The following C18orf54 variants were observed in gnomAD, a reference collection of about 807,000 sequenced individuals.
C18orf54 encodes chromosome 18 open reading frame 54.
Under a neutral mutation model 49.3 loss-of-function variants are expected in C18orf54, and 49 were observed. The ratio of observed to expected loss-of-function variants is 0.99; its 90% CI spans 0.79 to 1.26. The LOEUF (loss-of-function observed/expected upper bound fraction) is 1.26, where lower values mean the gene tolerates loss of function less well. Ranked by LOEUF, C18orf54 falls within the 50% of genes most tolerant of loss-of-function variation. C18orf54 has a pLI of 0.00. For synonymous variants in C18orf54, 211 were observed against 216.6 expected (o/e 0.97, Z 0.23); for missense variants, 687 against 620.6 (o/e 1.11, Z -1.14).
At chr18:54,373,054 G>A (rs2089516328) in intron 7 of C18orf54, among the ~76,000 whole-genome samples, 1 of 151,722 alleles carries the variant, frequency 6.6e-6, no homozygotes, top group African/African-American at 2.4e-5. Context: ...GTTATATCAA[G>A]TTTTATTTTA....
intron 7 of C18orf54, among the ~76,000 whole-genome samples, chr18:54,372,833 A>G (rs568873084): frequency 3.9e-5 from 6 of 152,026 alleles, no homozygotes; most frequent in Admixed American, 3.3e-4. Flanking sequence ...TAAATCCAAC[A>G]TCTTATTTAG....
Position 54,379,701 on chromosome 18 carries a change from A to T in C18orf54, c.*1455A>T, listed in dbSNP as rs570866251. On this transcript the variant is annotated 3_prime_UTR_variant, in exon 9 of 9. Transcript: ENST00000620105. The stretch of plus-strand genomic sequence containing the variant: ...CTTTGAAATTAAAGTATGCCTGGCT[A>T]TTAAAAATGCAGATTTTAGGTGGGT... The T allele has an allele frequency of 6.3e-4, 96 of 152,136 alleles. No homozygotes were observed. Among genetic ancestry groups the T allele is most frequent in the African/African-American group, 2.2e-3 (93 of 41,548 alleles). The allele number at this position is 152,136 out of a possible 1,614,324, so 9.4% of individuals were successfully genotyped here.
chr18:54,375,600 T>C (rs905700786), intron 8 of C18orf54, among the ~76,000 whole-genome samples: 5 of 151,752 alleles, frequency 3.3e-5, no homozygotes, highest in Non-Finnish European at 5.9e-5. Context: ...CTAGATGTTT[T>C]TCCTGGTGAA....
At chr18:54,372,386 G>A (rs1246177841) in intron 6 of C18orf54, 80 bp from the exon 7 acceptor site, 4 of 1,225,696 alleles carry the variant, frequency 3.3e-6, no homozygotes, top group Non-Finnish European at 4.3e-6. Flanking sequence ...TTTTCTATTG[G>A]GGAAATTAAT....
At chr18:54,371,925 G>T (rs1047648611) in intron 6 of C18orf54, among the ~76,000 whole-genome samples, 1 of 152,052 alleles carries the variant, frequency 6.6e-6, no homozygotes, top group African/African-American at 2.4e-5. Flanking sequence ...CATCTTATGT[G>T]TCTTAAGTAC....
chr18:54,360,974 A>G, intron 3 of C18orf54, 119 bp downstream of exon 3: 2 of 949,146 alleles, frequency 2.1e-6, no homozygotes, highest in Non-Finnish European at 3.1e-6. Flanking sequence ...ATAACATAAT[A>G]TTGAGATCTG....
At position 54,360,526 on chromosome 18, in the gene C18orf54, G is replaced by C; in HGVS notation, c.-46-1G>C. ...CTTAACATTTCGTTTTTGTATTACA[G>C]TTGTTTTTAAGGGAAATGAATAGAA... On this transcript the variant is annotated splice_acceptor_variant, in intron 2 of 8. Transcript: ENST00000620105. LOFTEE classifies it low-confidence loss of function (5UTR_SPLICE). 1 of 1,584,206 alleles carries C rather than the reference G, an allele frequency of 6.3e-7. No individual in the cohort carries two copies. The highest frequency in any genetic ancestry group is 8.6e-7 in the Non-Finnish European group (1 of 1,163,450).
chr18:54,378,256 T>C lies in C18orf54; in HGVS notation c.*10T>C. 1 of 1,610,106 alleles carries C rather than the reference T, an allele frequency of 6.2e-7. No homozygotes were observed. The highest frequency in any genetic ancestry group is 8.5e-7 in the Non-Finnish European group (1 of 1,176,680). On this transcript the variant is annotated 3_prime_UTR_variant, in exon 9 of 9. Coordinates refer to ENST00000620105, the MANE Select transcript of C18orf54 (RefSeq NM_001288980.2). Reference sequence around the variant, plus strand: ...GTCACCGAAAATGTGAAGAGGAAAATGAAACTGTCACCACAATGAATAGTC... The same window carrying C: ...GTCACCGAAAATGTGAAGAGGAAAACGAAACTGTCACCACAATGAATAGTC...
In C18orf54 at chr18:54,380,385, A is replaced by G. The variant is rs944805626; in HGVS notation, c.*2139A>G. On this transcript the variant is annotated 3_prime_UTR_variant, in exon 9 of 9. Coordinates refer to ENST00000620105, the MANE Select transcript of C18orf54 (RefSeq NM_001288980.2). ...GACATATTGAGAAAATGTTAAATAG[A>G]AAAAATTAAGAAATTTTAATAAGAT... 2.6e-5 allele frequency: 4 copies of G among 151,996 alleles called. No homozygotes were observed. Among genetic ancestry groups the G allele is most frequent in the Non-Finnish European group, 5.9e-5 (4 of 67,906 alleles). 9.4% of individuals were successfully genotyped at this position (151,996 alleles called of 1,614,324 possible).
At position 54,360,708 on chromosome 18, in the gene C18orf54, A is replaced by T; in HGVS notation, c.136A>T (p.Arg46Ter). ...GSFHYKDKLYRSASQALQAYI... is the reference protein window; with the variant it reads ...GSFHYKDKLY ...GTTTCACTATAAAGATAAGCTGTAC[A>T]GATCTGCTTCTCAAGCTCTACAGGC... Residue 46 changes from arginine (R) to a stop codon, truncating the protein, a stop_gained, in exon 3 of 9, where the codon AGA (arginine) becomes TGA (stop). Coordinates refer to ENST00000620105, the MANE Select transcript of C18orf54 (RefSeq NM_001288980.2). LOFTEE classifies it high-confidence loss of function. 1 of 1,614,086 alleles carries T rather than the reference A, an allele frequency of 6.2e-7. No individual in the cohort carries two copies. The highest frequency in any genetic ancestry group is 8.5e-7 in the Non-Finnish European group (1 of 1,179,936).
chr18:54,378,227 A>AAGAAGCAAAAGGCTAATACAGTGGAT lies in C18orf54; in HGVS notation c.1584_1585insGAAGCAAAAGGCTAATACAGTGGATA (p.Arg529GlufsTer5). The stretch of plus-strand genomic sequence containing the variant: ...GACCTGGTTGATGATACGAATGGAG[A>AAGAAGCAAAAGGCTAATACAGTGGAT]ACGGTCACCGAAAATGTGAAGAGGA... On this transcript the variant is annotated stop_gained and frameshift_variant, in exon 9 of 9. Coordinates refer to ENST00000620105, the MANE Select transcript of C18orf54 (RefSeq NM_001288980.2). LOFTEE classifies it high-confidence loss of function. 6.2e-7 allele frequency: 1 copy of AAGAAGCAAAAGGCTAATACAGTGGAT among 1,613,518 alleles called. No individual in the cohort carries two copies.
In C18orf54 at chr18:54,362,194, G is replaced by T. The variant is rs763619682; in HGVS notation, c.835G>T (p.Val279Phe). ...DLLPDANSQR[V>F]YQIFKDDQCS... is the part of the protein sequence containing the mutation. ...GCTACCTGATGCAAATAGTCAAAGGGTTTATCAGATATTTAAAGATGATCA... is the reference window on the plus strand; with the variant it reads ...GCTACCTGATGCAAATAGTCAAAGGTTTTATCAGATATTTAAAGATGATCA... Residue 279 changes from valine to phenylalanine, a missense_variant, in exon 4 of 9, where the codon GTT (valine) becomes TTT (phenylalanine). By Grantham distance (50) the Val-to-Phe change is conservative (BLOSUM62 -1). Transcript: ENST00000620105. 17 of 1,536,080 alleles carry T rather than the reference G, an allele frequency of 1.1e-5. No homozygotes were observed. In the Middle Eastern group the frequency reaches 1.8e-3, roughly 166 times the overall value.
In C18orf54 at chr18:54,361,922, G is replaced by T. The variant is rs150796364; in HGVS notation, c.563G>T (p.Arg188Leu). 6.2e-7 allele frequency: 1 copy of T among 1,614,068 alleles called. No individual in the cohort carries two copies. Among genetic ancestry groups the T allele is most frequent in the Non-Finnish European group, 8.5e-7 (1 of 1,179,990 alleles). The change falls in exon 4 of 9, where the codon CGC becomes CTC. Residue 188 changes from arginine (R) to leucine (L), a missense_variant. By Grantham distance (102) the Arg-to-Leu change is moderately radical. Coordinates refer to ENST00000620105, the MANE Select transcript of C18orf54 (RefSeq NM_001288980.2). ...GKDNFVTPVI[R>L]SNINGKQCGR... ...GATAACTTTGTTACTCCTGTTATAC[G>T]CTCAAATATAAATGGAAAGCAATGT...
rs1322778340 is a variant in C18orf54 at position 54,379,820 on chromosome 18, G to C, written c.*1574G>C. Reference sequence around the variant, plus strand: ...AGAAGGCAAGGAGATAAAGGCATCAGGTGGTAACTTCTAATTGAATATTAT... The same window carrying C: ...AGAAGGCAAGGAGATAAAGGCATCACGTGGTAACTTCTAATTGAATATTAT... On this transcript the variant is annotated 3_prime_UTR_variant, in exon 9 of 9. Coordinates refer to ENST00000620105, the MANE Select transcript of C18orf54 (RefSeq NM_001288980.2). The C allele has an allele frequency of 1.3e-5, 2 of 151,838 alleles. No homozygotes were observed. Among genetic ancestry groups the C allele is most frequent in the East Asian group, 1.9e-4 (1 of 5,192 alleles). The allele number at this position is 151,838 out of a possible 1,614,324, so 9.4% of individuals were successfully genotyped here.
intron 6 of C18orf54, 146 bp downstream of exon 6, chr18:54,365,967 G>T: frequency 3.3e-6 from 1 of 305,722 alleles, no homozygotes; most frequent in Non-Finnish European, 5.9e-6. Context: ...CAGAATTATT[G>T]ATTATATTAT....
rs537997814 is a variant in C18orf54, at chr18:54,380,148, C to T, written c.*1902C>T. On this transcript the variant is annotated 3_prime_UTR_variant, in exon 9 of 9. Transcript: ENST00000620105. ...TAGGAGAGTCAAGTAAGAAAAATAA[C>T]GAATCTAAGTGATAAACATTCAAGA... 5.3e-5 allele frequency: 8 copies of T among 151,898 alleles called. No individual in the cohort carries two copies. The highest frequency in any genetic ancestry group is 1.3e-4 in the Admixed American group (2 of 15,260). 9.4% of individuals were successfully genotyped at this position (151,898 alleles called of 1,614,324 possible).
intron 6 of C18orf54, among the ~76,000 whole-genome samples, chr18:54,367,369 C>T (rs997085824): frequency 6.6e-6 from 1 of 151,936 alleles, no homozygotes. Context: ...TATCTTTTTG[C>T]TTCCAGATGT....
At chr18:54,370,906 G>T (rs962068306) in intron 6 of C18orf54, among the ~76,000 whole-genome samples, 10 of 151,432 alleles carry the variant, frequency 6.6e-5, no homozygotes, top group African/African-American at 2.4e-4. Flanking sequence ...ATCTCCCAGG[G>T]TGTAGGAGTA....
At chr18:54,360,472 G>C in intron 2 of C18orf54, 55 bp from the exon 3 acceptor site, 2 of 1,143,774 alleles carry the variant, frequency 1.7e-6, no homozygotes, top group Non-Finnish European at 2.5e-6. Flanking sequence ...TAGTAATTTT[G>C]TTTGTGTATG....
Sources: gnomAD v4.1 joint callset for allele counts (sites outside exome capture counted in the v4.1 genomes callset) on GRCh38, gnomAD v4.1.1 for gene constraint, MANE v1.5 for transcripts, NCBI Gene and HGNC (gene_info 2026-07-23, HGNC 2026-07-21) for gene names.